The following ZNF804B variants were observed in gnomAD, a reference collection of about 807,000 sequenced individuals.
ZNF804B encodes zinc finger 804B.
Under a neutral mutation model 101.4 loss-of-function variants are expected in ZNF804B, and 80 were observed. The ratio of observed to expected loss-of-function variants is 0.79; its 90% CI spans 0.66 to 0.95. The LOEUF (loss-of-function observed/expected upper bound fraction) is 0.95. Among genes scored for constraint, ZNF804B ranks in the 40% least tolerant of loss-of-function variants. The pLI is 0.00. For synonymous variants in ZNF804B, 622 were observed against 558.8 expected, an observed-to-expected ratio of 1.11 and a Z score of -1.59; for missense variants, 1,673 against 1,561.9, an observed-to-expected ratio of 1.07 and a Z score of -1.20.
At chr7:89,316,005 G>T (rs1790721091) in intron 2 of ZNF804B, among the ~76,000 whole-genome samples, 1 of 151,934 alleles carries the variant, frequency 6.6e-6, no homozygotes, top group South Asian at 2.1e-4. Context: ...CTGTACAATT[G>T]TGTGTGTGTG....
chr7:89,212,229 A>G (rs1788815838), intron 1 of ZNF804B, among the ~76,000 whole-genome samples: 1 of 149,754 alleles, frequency 6.7e-6, no homozygotes, highest in African/African-American at 2.5e-5. Flanking sequence ...AAATAATTTT[A>G]TAGTGTCACA....
chr7:89,331,015 A>G (rs1790968689), intron 3 of ZNF804B, among the ~76,000 whole-genome samples: 1 of 150,974 alleles, frequency 6.6e-6, no homozygotes, highest in African/African-American at 2.4e-5. Flanking sequence ...TAATATATTT[A>G]ACATGATATA....
intron 1 of ZNF804B, among the ~76,000 whole-genome samples, chr7:89,188,567 T>C (rs1788409148): frequency 6.6e-6 from 1 of 152,156 alleles, no homozygotes; most frequent in South Asian, 2.1e-4. Flanking sequence ...GCTGAAAGCG[T>C]GGCCACTTGA....
At chr7:89,076,889 G>T (rs1583972779) in intron 1 of ZNF804B, among the ~76,000 whole-genome samples, 1 of 152,176 alleles carries the variant, frequency 6.6e-6, no homozygotes, top group African/African-American at 2.4e-5. Context: ...TTAAAGCACT[G>T]CTGGGGGAAT....
At chr7:88,820,986 C>T (rs1049287773) in intron 1 of ZNF804B, among the ~76,000 whole-genome samples, 2 of 152,120 alleles carry the variant, frequency 1.3e-5, no homozygotes, top group Admixed American at 1.3e-4. Flanking sequence ...CTAAAAGTGT[C>T]ACAGCTACCT....
chr7:89,014,990 A>G (rs1365981504), intron 1 of ZNF804B, among the ~76,000 whole-genome samples: 1 of 152,186 alleles, frequency 6.6e-6, no homozygotes, highest in Non-Finnish European at 1.5e-5. Flanking sequence ...GGGGATTTAC[A>G]TTTAGATCTT....
chr7:89,328,374 TC>T (rs1411839360), intron 3 of ZNF804B, among the ~76,000 whole-genome samples: 4 of 151,732 alleles, frequency 2.6e-5, no homozygotes, highest in Non-Finnish European at 5.9e-5. Context: ...TTTAGAATAA[TC>T]TAATTAATTT....
At chr7:88,792,150 A>C (rs570281702) in intron 1 of ZNF804B, among the ~76,000 whole-genome samples, 1 of 152,200 alleles carries the variant, frequency 6.6e-6, no homozygotes, top group East Asian at 1.9e-4. Flanking sequence ...GATCACACGG[A>C]ATAACTTCTT....
rs1487011441 is a variant in ZNF804B at position 88,877,005 on chromosome 7, A to ATAT, written c.108+116921_108+116922insTAT. ...ATTATACAGAGAATATTTGAAAAAA[A>ATAT]AAATATATATATATATATATAATAT... On this transcript the variant is annotated intron_variant, in intron 1 of 3. Coordinates refer to ENST00000333190, the MANE Select transcript of ZNF804B (RefSeq NM_181646.5). Among the ~76,000 whole-genome samples, 118 of 85,018 alleles carry ATAT rather than the reference A, an allele frequency of 1.4e-3. 5 individuals carry two copies. The highest frequency in any genetic ancestry group is 0.01 in the African/African-American group (113 of 11,266). 55.8% of individuals were successfully genotyped at this position (85,018 alleles called of 152,430 possible).
intron 1 of ZNF804B, among the ~76,000 whole-genome samples, chr7:89,040,065 C>T (rs1788992652): frequency 6.6e-6 from 1 of 151,870 alleles, no homozygotes; most frequent in African/African-American, 2.4e-5. Flanking sequence ...TTCAAATATA[C>T]TTTTATACTT....
chr7:89,033,259 T>G (rs1261288502), intron 1 of ZNF804B, among the ~76,000 whole-genome samples: 1 of 152,184 alleles, frequency 6.6e-6, no homozygotes, highest in Non-Finnish European at 1.5e-5. Context: ...CTTAGCATAA[T>G]GTTCTCCAAT....
chr7:88,859,915 C>G (rs1244928261), intron 1 of ZNF804B, among the ~76,000 whole-genome samples: 1 of 151,610 alleles, frequency 6.6e-6, no homozygotes, highest in African/African-American at 2.4e-5. Context: ...TCCTTATGTA[C>G]TTCAAAAAGA....
chr7:88,899,038 C>T (rs1792350384), intron 1 of ZNF804B, among the ~76,000 whole-genome samples: 1 of 152,122 alleles, frequency 6.6e-6, no homozygotes, highest in Admixed American at 6.6e-5. Flanking sequence ...ATCCCCATCC[C>T]CAATTTTTGG....
chr7:89,322,602 G>A (rs1006335165), intron 2 of ZNF804B, among the ~76,000 whole-genome samples: 2 of 152,040 alleles, frequency 1.3e-5, no homozygotes, highest in Non-Finnish European at 2.9e-5. Context: ...TGCATTAGAT[G>A]CTTCAAATAT....
chr7:89,019,605 G>A (rs1788630241), intron 1 of ZNF804B, among the ~76,000 whole-genome samples: 1 of 151,914 alleles, frequency 6.6e-6, no homozygotes, highest in African/African-American at 2.4e-5. Context: ...ACTGTTTTGT[G>A]GCACAACCAT....
chr7:89,090,913 A>G (rs1256484865), intron 1 of ZNF804B, among the ~76,000 whole-genome samples: 1 of 152,132 alleles, frequency 6.6e-6, no homozygotes, highest in African/African-American at 2.4e-5. Flanking sequence ...ACCAAATGCA[A>G]AAATGCTGAG....
chr7:89,329,064 T>G (rs962029680), intron 3 of ZNF804B, among the ~76,000 whole-genome samples: 1 of 151,724 alleles, frequency 6.6e-6, no homozygotes, highest in Non-Finnish European at 1.5e-5. Context: ...CCATTAAGTT[T>G]CTTTCAAATA....
intron 1 of ZNF804B, among the ~76,000 whole-genome samples, chr7:88,992,874 A>G (rs1022695138): frequency 6.6e-6 from 1 of 152,086 alleles, no homozygotes; most frequent in Non-Finnish European, 1.5e-5. Flanking sequence ...AGTAATCAAA[A>G]TAGTCCTTCT....
chr7:88,970,891 C>G (rs919411021), intron 1 of ZNF804B, among the ~76,000 whole-genome samples: 29 of 150,218 alleles, frequency 1.9e-4, no homozygotes, highest in African/African-American at 7.1e-4. Context: ...ATGGGTGCAG[C>G]ACACCAACAT....
Sources: gnomAD v4.1 joint callset for allele counts (sites outside exome capture counted in the v4.1 genomes callset) on GRCh38, gnomAD v4.1.1 for gene constraint, MANE v1.5 for transcripts, NCBI Gene and HGNC (gene_info 2026-07-23, HGNC 2026-07-21) for gene names.